The following ANKRD6 variants were observed in gnomAD, a reference collection of about 807,000 sequenced individuals.
ANKRD6 encodes the protein ankyrin repeat domain 6.
In ANKRD6, 56 loss-of-function variants were observed where a neutral mutation model predicts 82.3. The observed-to-expected ratio is 0.68, with a 90% CI of 0.55 to 0.85. The LOEUF (loss-of-function observed/expected upper bound fraction) is 0.85, where lower values mean the gene tolerates loss of function less well. Among genes scored for constraint, ANKRD6 ranks in the 40% least tolerant of loss-of-function variants. The pLI is 0.00. For synonymous variants in ANKRD6, 347 were observed against 352.1 expected (o/e 0.99, Z 0.16); for missense variants, 852 against 907.6 (o/e 0.94, Z 0.79).
intron 13 of ANKRD6, among the ~76,000 whole-genome samples, chr6:89,627,244 A>G (rs929719833): frequency 6.6e-6 from 1 of 152,040 alleles, no homozygotes; most frequent in African/African-American, 2.4e-5. Context: ...TTTAGTAGAG[A>G]TGGGGTTTCG....
At chr6:89,542,311 A>G (rs76955220) in intron 1 of ANKRD6, among the ~76,000 whole-genome samples, 24,099 of 152,182 alleles carry the variant, frequency 0.16, 2,118 homozygotes, top group South Asian at 0.34. Flanking sequence ...AGGAGGACAC[A>G]CTGTCTAGTT....
At chr6:89,577,463 C>G (rs1051276085) in intron 2 of ANKRD6, among the ~76,000 whole-genome samples, 2 of 152,186 alleles carry the variant, frequency 1.3e-5, no homozygotes, top group African/African-American at 2.4e-5. Flanking sequence ...CCTTCTGATA[C>G]AGCTAATTTT....
chr6:89,617,282 T>G (rs531796773), intron 8 of ANKRD6, among the ~76,000 whole-genome samples: 1 of 152,308 alleles, frequency 6.6e-6, no homozygotes, highest in Admixed American at 6.5e-5. Flanking sequence ...ACAAGGCTCT[T>G]CAGCTTCCTT....
intron 1 of ANKRD6, among the ~76,000 whole-genome samples, chr6:89,514,524 C>G (rs1392789366): frequency 1.3e-5 from 2 of 152,012 alleles, no homozygotes; most frequent in Admixed American, 1.3e-4. Flanking sequence ...GATTGGACAC[C>G]CCTGCCGTAA....
intron 1 of ANKRD6, among the ~76,000 whole-genome samples, chr6:89,510,004 G>A (rs1453521782): frequency 1.3e-5 from 2 of 152,154 alleles, no homozygotes; most frequent in African/African-American, 4.8e-5. Context: ...TGGCCTCCTT[G>A]TGTTTTTGGA....
chr6:89,455,667 A>G (rs1382283283), intron 1 of ANKRD6, among the ~76,000 whole-genome samples: 1 of 152,020 alleles, frequency 6.6e-6, no homozygotes, highest in East Asian at 1.9e-4. Context: ...TTGTTTTAAA[A>G]GCATGTAACA....
chr6:89,474,361 A>G (rs1296413146), intron 1 of ANKRD6, among the ~76,000 whole-genome samples: 1 of 152,214 alleles, frequency 6.6e-6, no homozygotes, highest in African/African-American at 2.4e-5. Context: ...AATGTTCAGA[A>G]TGTACAGTGA....
At chr6:89,613,308 G>A (rs969907940) in intron 6 of ANKRD6, among the ~76,000 whole-genome samples, 1 of 152,116 alleles carries the variant, frequency 6.6e-6, no homozygotes, top group African/African-American at 2.4e-5. Context: ...TTGAACTTCA[G>A]GGGGTACGTG....
intron 1 of ANKRD6, among the ~76,000 whole-genome samples, chr6:89,546,466 T>C (rs1325378825): frequency 7.9e-5 from 12 of 151,938 alleles, no homozygotes; most frequent in Admixed American, 3.3e-4. Context: ...GATTGATCGA[T>C]TGATCGATTG....
At chr6:89,609,871 A>G (rs980130473) in intron 5 of ANKRD6, among the ~76,000 whole-genome samples, 3 of 152,156 alleles carry the variant, frequency 2.0e-5, no homozygotes, top group African/African-American at 2.4e-5. Flanking sequence ...CGGCCTCCCA[A>G]GGTGATGGAT....
chr6:89,520,139 A>T (rs979887168), intron 1 of ANKRD6, among the ~76,000 whole-genome samples: 3 of 152,088 alleles, frequency 2.0e-5, no homozygotes, highest in African/African-American at 7.2e-5. Flanking sequence ...ATGCACCACC[A>T]TGCCTGGCTA....
rs1807842124 is a variant in ANKRD6 at position 89,633,661 on chromosome 6, A to AAGGG, written c.*2660_*2663dup. On this transcript the variant is annotated 3_prime_UTR_variant, in exon 16 of 16. Coordinates refer to ENST00000339746, the MANE Select transcript of ANKRD6 (RefSeq NM_001242809.2). Reference sequence around the variant, plus strand: ...CTTTTGATTTTGGGAGCCCAAAATAAAGGGAGTGTTGTTTTCATGGTTATG... The same window carrying AAGGG: ...CTTTTGATTTTGGGAGCCCAAAATAAAGGGAGGGAGTGTTGTTTTCATGGTTATG... 6.6e-6 allele frequency: 1 copy of AAGGG among 152,204 alleles called. No individual in the cohort carries two copies. Among genetic ancestry groups the AAGGG allele is most frequent in the Non-Finnish European group, 1.5e-5 (1 of 68,032 alleles). 9.4% of individuals were successfully genotyped at this position (152,204 alleles called of 1,614,324 possible).
At chr6:89,623,088 T>C (rs554531928) in intron 10 of ANKRD6, among the ~76,000 whole-genome samples, 110 of 152,130 alleles carry the variant, frequency 7.2e-4, no homozygotes, top group African/African-American at 2.6e-3. Context: ...TGTTGAAATC[T>C]AAACGATCAA....
At chr6:89,547,908 C>T (rs1279111050) in intron 1 of ANKRD6, among the ~76,000 whole-genome samples, 1 of 151,902 alleles carries the variant, frequency 6.6e-6, no homozygotes, top group African/African-American at 2.4e-5. Flanking sequence ...TTTTTATCAC[C>T]CTCGTTTTAC....
At chr6:89,605,038 A>C (rs997255714) in intron 4 of ANKRD6, among the ~76,000 whole-genome samples, 2 of 124,560 alleles carry the variant, frequency 1.6e-5, no homozygotes, top group African/African-American at 6.2e-5. Context: ...TTATTTGTTT[A>C]AAATAGTAAG....
intron 2 of ANKRD6, among the ~76,000 whole-genome samples, chr6:89,569,903 A>G (rs1370324104): frequency 2.6e-5 from 4 of 152,212 alleles, no homozygotes; most frequent in Admixed American, 2.0e-4. Context: ...CACTCCAAAG[A>G]AACAACTTTC....
At chr6:89,512,648 G>A (rs1780691929) in intron 1 of ANKRD6, among the ~76,000 whole-genome samples, 1 of 152,182 alleles carries the variant, frequency 6.6e-6, no homozygotes. Flanking sequence ...TATTTTCAGT[G>A]CTTTACCAGT....
At position 89,517,331 on chromosome 6, in the gene ANKRD6, G is replaced by C. The variant is rs535400729; in HGVS notation, c.-143-49503G>C. 3.6e-4 allele frequency among the ~76,000 whole-genome samples: 55 copies of C among 152,310 alleles called. No individual in the cohort carries two copies. In the South Asian group the frequency reaches 0.011, roughly 31 times the overall value. On this transcript the variant is annotated intron_variant, in intron 1 of 15. Transcript: ENST00000339746. ...TTTCTAGATTTTAATTGCTATTTCA[G>C]AATAAATTGGTGGAATGCAGTTCTT... is the stretch of plus-strand genomic sequence containing the variant.
intron 4 of ANKRD6, among the ~76,000 whole-genome samples, chr6:89,603,567 C>A (rs1478724252): frequency 6.6e-6 from 1 of 152,070 alleles, no homozygotes. Context: ...AGAAAAAAAT[C>A]TAGAAATAAG....
Sources: gnomAD v4.1 joint callset for allele counts (sites outside exome capture counted in the v4.1 genomes callset) on GRCh38, gnomAD v4.1.1 for gene constraint, MANE v1.5 for transcripts, NCBI Gene and HGNC (gene_info 2026-07-23, HGNC 2026-07-21) for gene names.